RPTOR: variants seen among roughly 807,000 people sequenced by gnomAD.
The protein encoded by RPTOR is regulatory-associated protein of mTOR.
In RPTOR, 21 loss-of-function variants were observed where a neutral mutation model predicts 169.9. The observed-to-expected ratio is 0.12, with a 90% CI of 0.09 to 0.18. The LOEUF is 0.18. Among genes scored for constraint, RPTOR ranks in the 10% least tolerant of loss-of-function variants. The probability of loss-of-function intolerance (pLI) is 1.00; values close to 1 mark genes in which losing one functional copy is unlikely to be tolerated. For missense variants in RPTOR, 1,133 were observed against 1,855.9 expected, an observed-to-expected ratio of 0.61 and a Z score of 7.16; for synonymous variants, 732 against 753.2, an observed-to-expected ratio of 0.97 and a Z score of 0.46.
chr17:80,881,109 C>A (rs2068181770), intron 14 of RPTOR, among the ~76,000 whole-genome samples: 1 of 152,190 alleles, frequency 6.6e-6, no homozygotes, highest in Admixed American at 6.5e-5. Flanking sequence ...CTAAATAATT[C>A]TTTAACATAA....
At chr17:80,709,462 C>T (rs950309367) in intron 4 of RPTOR, among the ~76,000 whole-genome samples, 3 of 152,132 alleles carry the variant, frequency 2.0e-5, no homozygotes, top group African/African-American at 4.8e-5. Context: ...ATACGCTGGG[C>T]GGACGCTGGC....
intron 9 of RPTOR, among the ~76,000 whole-genome samples, chr17:80,826,934 C>A (rs985015150): frequency 6.6e-6 from 1 of 152,224 alleles, no homozygotes; most frequent in African/African-American, 2.4e-5. Flanking sequence ...TTTTTAAACT[C>A]ACACCTGGGC....
Position 80,728,446 on chromosome 17 carries a change from G to GGTGTGTGTGTGTGTGTGTGTGTGTGT in RPTOR, c.508-2113_508-2088dup, listed in dbSNP as rs71367012. ...CATTTAGGTTTTCAGTCCACTCTGG[G>GGTGTGTGTGTGTGTGTGTGTGTGTGT]GTGTGTGTGTGTGTGTGTGTGTGTG... On this transcript the variant is annotated intron_variant, in intron 4 of 33. Transcript: ENST00000306801. 4.1e-3 allele frequency among the ~76,000 whole-genome samples: 610 copies of GGTGTGTGTGTGTGTGTGTGTGTGTGT among 148,240 alleles called. 5 individuals carry two copies. The highest frequency in any genetic ancestry group is 0.014 in the East Asian group (68 of 5,000).
intron 1 of RPTOR, among the ~76,000 whole-genome samples, chr17:80,560,217 T>A (rs1427998325): frequency 6.6e-6 from 1 of 152,232 alleles, no homozygotes; most frequent in Admixed American, 6.5e-5. Context: ...GAGACTTGGC[T>A]GAGCTCCTAG....
chr17:80,869,485 C>A (rs1038729489), intron 13 of RPTOR, among the ~76,000 whole-genome samples: 9 of 152,140 alleles, frequency 5.9e-5, no homozygotes, highest in Admixed American at 1.3e-4. Flanking sequence ...TCAAGAAACA[C>A]CCCCAAAAAT....
chr17:80,900,258 T>G (rs1169402471), intron 20 of RPTOR, among the ~76,000 whole-genome samples: 1 of 151,926 alleles, frequency 6.6e-6, no homozygotes, highest in African/African-American at 2.4e-5. Flanking sequence ...TCTGGCCTGG[T>G]GGTCGCAGCT....
intron 6 of RPTOR, among the ~76,000 whole-genome samples, chr17:80,769,269 T>C (rs568906101): frequency 7.4e-4 from 112 of 152,374 alleles, no homozygotes; most frequent in Non-Finnish European, 1.2e-3. Context: ...GCCTCTTCTT[T>C]GGTTTCTCGT....
intron 1 of RPTOR, among the ~76,000 whole-genome samples, chr17:80,601,484 T>C (rs1353334049): frequency 6.6e-6 from 1 of 151,864 alleles, no homozygotes; most frequent in East Asian, 1.9e-4. Context: ...ATCCCACACA[T>C]CCCAGCCTTC....
intron 9 of RPTOR, among the ~76,000 whole-genome samples, chr17:80,830,253 C>A (rs2067488231): frequency 2.0e-5 from 3 of 152,190 alleles, no homozygotes; most frequent in Admixed American, 2.0e-4. Flanking sequence ...ACAAACCTGA[C>A]TGAGGTGGAC....
chr17:80,781,972 A>G (rs1417485532), intron 6 of RPTOR, among the ~76,000 whole-genome samples: 1 of 152,226 alleles, frequency 6.6e-6, no homozygotes, highest in East Asian at 1.9e-4. Context: ...GCGTGCAGCC[A>G]TGTCAGAGCT....
At chr17:80,634,597 T>TGC (rs777483295) in intron 2 of RPTOR, among the ~76,000 whole-genome samples, 1,823 of 21,010 alleles carry the variant, frequency 0.087, 118 homozygotes, top group Non-Finnish European at 0.11. Flanking sequence ...ACTGTGTGTG[T>TGC]GCGTACTGTG....
chr17:80,777,547 G>GTT (rs71892521), intron 6 of RPTOR, among the ~76,000 whole-genome samples: 392 of 145,818 alleles, frequency 2.7e-3, no homozygotes, highest in South Asian at 7.1e-3. Flanking sequence ...GGCCTTTGTT[G>GTT]TTTTTTTTTT....
intron 5 of RPTOR, among the ~76,000 whole-genome samples, chr17:80,735,615 A>G (rs1016363489): frequency 7.9e-5 from 12 of 152,218 alleles, no homozygotes; most frequent in Admixed American, 3.9e-4. Context: ...GACGGCAGTC[A>G]AGCCCGGAGT....
chr17:80,669,407 G>A (rs1432750413), intron 3 of RPTOR, among the ~76,000 whole-genome samples: 1 of 152,022 alleles, frequency 6.6e-6, no homozygotes, highest in Admixed American at 6.6e-5. Flanking sequence ...TTTTTGAGAC[G>A]GAGTTTCACT....
intron 7 of RPTOR, among the ~76,000 whole-genome samples, chr17:80,816,884 G>A (rs2067329234): frequency 6.6e-6 from 1 of 152,238 alleles, no homozygotes; most frequent in Non-Finnish European, 1.5e-5. Context: ...CCAGCAGCCA[G>A]TGGTCTCCCC....
intron 3 of RPTOR, among the ~76,000 whole-genome samples, chr17:80,681,636 G>GT (rs1188181276): frequency 7.4e-6 from 1 of 135,472 alleles, no homozygotes; most frequent in African/African-American, 2.9e-5. Context: ...CCTTCATGAG[G>GT]TGTACGTCTC....
intron 1 of RPTOR, among the ~76,000 whole-genome samples, chr17:80,606,143 C>G (rs1056433810): frequency 2.6e-5 from 4 of 152,100 alleles, no homozygotes; most frequent in African/African-American, 7.2e-5. Flanking sequence ...TCCCAAGTAG[C>G]TGGGACTACA....
intron 13 of RPTOR, among the ~76,000 whole-genome samples, chr17:80,870,465 GAT>G (rs1467449571): frequency 6.6e-6 from 1 of 152,230 alleles, no homozygotes; most frequent in Non-Finnish European, 1.5e-5. Context: ...TGCTGGCGTT[GAT>G]AGCCTCTCCT....
At chr17:80,867,855 G>A (rs1424298729) in intron 13 of RPTOR, among the ~76,000 whole-genome samples, 1 of 152,140 alleles carries the variant, frequency 6.6e-6, no homozygotes. Flanking sequence ...ATTGTGAAAA[G>A]AAATGAAGGA....
Sources: gnomAD v4.1 joint callset for allele counts (sites outside exome capture counted in the v4.1 genomes callset) on GRCh38, gnomAD v4.1.1 for gene constraint, MANE v1.5 for transcripts, NCBI Gene and HGNC (gene_info 2026-07-23, HGNC 2026-07-21) for gene names.